The following ZNF232 variants were observed in gnomAD, a reference collection of about 807,000 sequenced individuals.
The protein encoded by ZNF232 is zinc finger protein 232, also known as zinc finger and SCAN domain-containing protein 11.
Under a neutral mutation model 25.2 loss-of-function variants are expected in ZNF232, and 25 were observed. That is an observed-to-expected ratio of 0.99 (90% CI 0.72 to 1.39). ZNF232 has a LOEUF of 1.39. ZNF232 is among the 40% of genes most tolerant of loss of function. The probability of loss-of-function intolerance (pLI) is 0.00; values close to 1 mark genes in which losing one functional copy is unlikely to be tolerated. For missense variants in ZNF232, 519 were observed against 520.9 expected, an observed-to-expected ratio of 1.00 and a Z score of 0.04; for synonymous variants, 193 against 182.9, an observed-to-expected ratio of 1.06 and a Z score of -0.45.
upstream of ZNF232, among the ~76,000 whole-genome samples, chr17:5,115,806 T>C (rs1258780069): frequency 6.6e-6 from 1 of 152,186 alleles, no homozygotes; most frequent in African/African-American, 2.4e-5. Flanking sequence ...GATGGCCTCA[T>C]GCGCGGACTG....
intron 1 of ZNF232, among the ~76,000 whole-genome samples, chr17:5,121,038 C>G (rs2072646155): frequency 6.6e-6 from 1 of 152,218 alleles, no homozygotes; most frequent in African/African-American, 2.4e-5. Flanking sequence ...TCCACCACAG[C>G]TGTTTACAGG....
At chr17:5,117,020 G>C (rs1242118995) in intron 1 of ZNF232, among the ~76,000 whole-genome samples, 1 of 152,192 alleles carries the variant, frequency 6.6e-6, no homozygotes, top group Non-Finnish European at 1.5e-5. Flanking sequence ...GGAAGGAAAG[G>C]TAAGTACTTT....
intron 1 of ZNF232, among the ~76,000 whole-genome samples, chr17:5,116,968 T>C (rs919484406): frequency 1.3e-5 from 2 of 152,166 alleles, no homozygotes; most frequent in African/African-American, 4.8e-5. Context: ...GGGCGGTGCC[T>C]ACATTCTTGG....
chr17:5,108,917 G>A lies in ZNF232; in HGVS notation c.625+9C>T, dbSNP rs1304700370. 6.2e-7 allele frequency: 1 copy of A among 1,613,680 alleles called. No homozygotes were observed. Among genetic ancestry groups the A allele is most frequent in the East Asian group, 2.2e-5 (1 of 44,856 alleles). On this transcript the variant is annotated intron_variant, in intron 3 of 3. Transcript: ENST00000575898. ...CTCCTCTCCCTCCCCACAGAATCCT[G>A]CTCCTCACCACTCTTTGGGAAAGGC... is the stretch of plus-strand genomic sequence containing the variant.
chr17:5,114,675 C>G (rs1329213476), upstream of ZNF232: 3 of 152,186 alleles, frequency 2.0e-5, no homozygotes, highest in African/African-American at 7.2e-5. Context: ...ACTAAAAATA[C>G]AAAAATTAGC....
At chr17:5,117,431 A>G (rs549919305) in intron 1 of ZNF232, among the ~76,000 whole-genome samples, 2 of 150,900 alleles carry the variant, frequency 1.3e-5, no homozygotes, top group East Asian at 3.9e-4. Context: ...CAGGAGAATC[A>G]CTTGAACCCG....
At chr17:5,108,436 G>A (rs887226953) in intron 3 of ZNF232, among the ~76,000 whole-genome samples, 3 of 152,078 alleles carry the variant, frequency 2.0e-5, no homozygotes, top group Admixed American at 6.6e-5. Context: ...ACATGAGGAA[G>A]AGGTGGTAAA....
rs1567756495 is a variant in ZNF232 at position 5,108,415 on chromosome 17, T to C, written c.625+511A>G. Among the ~76,000 whole-genome samples, 4 of 151,950 alleles carry C rather than the reference T, an allele frequency of 2.6e-5. No individual in the cohort carries two copies. In the South Asian group the frequency reaches 6.2e-4, roughly 24 times the overall value. On this transcript the variant is annotated intron_variant, in intron 3 of 3. Coordinates refer to ENST00000575898, the Ensembl canonical transcript of ZNF232. ...AGGGCACACATAAGAGAGTTTCAGA[T>C]AGGGCTGTTTACATGAGGAAGAGGT...
At chr17:5,111,647 C>T in intron 1 of ZNF232, 153 bp downstream of exon 1, 1 of 1,132,014 alleles carries the variant, frequency 8.8e-7, no homozygotes, top group East Asian at 2.6e-5. Flanking sequence ...GCAGGTAGCG[C>T]AGCGCGGGCA....
At chr17:5,114,949 C>G (rs56197642), upstream of ZNF232, 20,646 of 152,148 alleles carry the variant, frequency 0.14, 1,609 homozygotes, top group African/African-American at 0.21. Context: ...CATGTTGGGC[C>G]CTGGTCACAG....
chr17:5,118,153 C>G (rs1310934533), intron 1 of ZNF232: 4 of 152,088 alleles, frequency 2.6e-5, no homozygotes, highest in South Asian at 4.2e-4. Flanking sequence ...GTCATGTGCT[C>G]TCTCCCTCAG....
At chr17:5,114,863 G>A (rs1213132119), upstream of ZNF232, 4 of 152,226 alleles carry the variant, frequency 2.6e-5, no homozygotes, top group Non-Finnish European at 4.4e-5. Flanking sequence ...GACACCAGAG[G>A]GCTTTGGGTC....
At chr17:5,120,319 G>A (rs762917981) in intron 1 of ZNF232, among the ~76,000 whole-genome samples, 9 of 152,190 alleles carry the variant, frequency 5.9e-5, no homozygotes, top group African/African-American at 7.2e-5. Context: ...GAGTGAGGTC[G>A]CCTGTGGTCA....
intron 3 of ZNF232, chr17:5,108,664 A>G: frequency 5.3e-6 from 2 of 373,914 alleles, no homozygotes; most frequent in Non-Finnish European, 9.9e-6. Flanking sequence ...AAGTTAAGAG[A>G]TGCTGGCCAG....
chr17:5,123,093 C>T (rs2072749797), exon 1 of ZNF232: 1 of 153,464 alleles, frequency 6.5e-6, no homozygotes, highest in African/African-American at 2.4e-5. Context: ...GGGCCCCATC[C>T]TTGTCGTCGT....
chr17:5,120,631 T>C (rs2072633080), intron 1 of ZNF232: 1 of 376,328 alleles, frequency 2.7e-6, no homozygotes, highest in Non-Finnish European at 5.2e-6. Context: ...GCCCAGGAAA[T>C]GAAGGCCCTT....
chr17:5,118,152 T>G (rs2072576468), intron 1 of ZNF232: 1 of 152,272 alleles, frequency 6.6e-6, no homozygotes, highest in African/African-American at 2.4e-5. Flanking sequence ...AGTCATGTGC[T>G]CTCTCCCTCA....
At chr17:5,113,724 C>T (rs1352347387), upstream of ZNF232, 1 of 152,200 alleles carries the variant, frequency 6.6e-6, no homozygotes, top group African/African-American at 2.4e-5. Context: ...GAAAGACATC[C>T]ACCCTAGAGT....
upstream of ZNF232, among the ~76,000 whole-genome samples, chr17:5,116,135 C>G (rs1314672563): frequency 6.6e-6 from 1 of 152,256 alleles, no homozygotes; most frequent in Non-Finnish European, 1.5e-5. Flanking sequence ...CTTCCCCTCA[C>G]TCGACGCTAC....
Sources: allele counts gnomAD v4.1 joint callset (sites outside exome capture counted in the v4.1 genomes callset), GRCh38; gene constraint gnomAD v4.1.1; transcripts MANE v1.5; gene names NCBI Gene and HGNC (gene_info 2026-07-23, HGNC 2026-07-21).